The following CDKAL1 variants were observed in gnomAD, a reference collection of about 807,000 sequenced individuals.
CDKAL1 encodes the protein CDKAL1 threonylcarbamoyladenosine tRNA methylthiotransferase.
A neutral mutation model predicts 68.2 loss-of-function variants in CDKAL1; 32 were observed. The observed-to-expected ratio is 0.47, with a 90% CI of 0.35 to 0.63. The LOEUF is 0.63. Ranked by LOEUF, CDKAL1 falls within the 30% of genes least tolerant of loss-of-function variation. The pLI is 0.00. For synonymous variants in CDKAL1, 234 were observed against 244.3 expected (o/e 0.96, Z 0.39); for missense variants, 606 against 696.7 (o/e 0.87, Z 1.47).
At chr6:20,733,421 A>C (rs1773045763) in intron 5 of CDKAL1, among the ~76,000 whole-genome samples, 1 of 152,224 alleles carries the variant, frequency 6.6e-6, no homozygotes, top group Non-Finnish European at 1.5e-5. Flanking sequence ...TGTGAACAAA[A>C]GTTCTCTGAA....
intron 4 of CDKAL1, among the ~76,000 whole-genome samples, chr6:20,615,995 A>C (rs1444841337): frequency 1.0e-4 from 15 of 147,972 alleles, no homozygotes; most frequent in African/African-American, 3.1e-4. Flanking sequence ...AGCTTTCTAC[A>C]TATGGCTAGC....
At chr6:20,685,271 A>G (rs1770565624) in intron 5 of CDKAL1, among the ~76,000 whole-genome samples, 1 of 152,190 alleles carries the variant, frequency 6.6e-6, no homozygotes, top group African/African-American at 2.4e-5. Flanking sequence ...TTGTACCATC[A>G]TATTGCTTTC....
intron 5 of CDKAL1, among the ~76,000 whole-genome samples, chr6:20,679,326 C>T (rs892835765): frequency 4.6e-5 from 7 of 152,194 alleles, no homozygotes. Flanking sequence ...GATTTTCTCA[C>T]CCTACACATT....
intron 4 of CDKAL1, among the ~76,000 whole-genome samples, chr6:20,617,114 G>A (rs1481928400): frequency 6.6e-6 from 1 of 151,834 alleles, no homozygotes; most frequent in Admixed American, 6.6e-5. Flanking sequence ...TGATGTCTGT[G>A]CTTTTACTGG....
chr6:20,555,509 C>A (rs979779932), intron 4 of CDKAL1, among the ~76,000 whole-genome samples: 1 of 151,258 alleles, frequency 6.6e-6, no homozygotes, highest in Non-Finnish European at 1.5e-5. Context: ...TTAGTGGAGA[C>A]GGGGTTTCAC....
chr6:20,757,351 T>C (rs1184412136), intron 6 of CDKAL1, among the ~76,000 whole-genome samples: 2 of 152,136 alleles, frequency 1.3e-5, no homozygotes, highest in South Asian at 2.1e-4. Flanking sequence ...GAGGTATGGA[T>C]GCATGCATCA....
At chr6:20,543,732 A>ATTTTTT (rs758586145) in intron 2 of CDKAL1, among the ~76,000 whole-genome samples, 16 of 102,400 alleles carry the variant, frequency 1.6e-4, no homozygotes, top group African/African-American at 4.5e-4. Context: ...TATGTTTTAC[A>ATTTTTT]TTTTTTTTTT....
chr6:21,029,325 G>A (rs1769135275), intron 11 of CDKAL1, among the ~76,000 whole-genome samples: 1 of 152,144 alleles, frequency 6.6e-6, no homozygotes, highest in Non-Finnish European at 1.5e-5. Context: ...CTCCCAAAGT[G>A]CTGGGATTAC....
At position 20,855,397 on chromosome 6, in the gene CDKAL1, A is replaced by G. The variant is rs187124241; in HGVS notation, c.742+9219A>G. Among the ~76,000 whole-genome samples, 26 of 143,060 alleles carry G rather than the reference A, an allele frequency of 1.8e-4. No individual in the cohort carries two copies. In the East Asian group the frequency reaches 5.5e-3, roughly 30 times the overall value. 93.9% of individuals were successfully genotyped at this position (143,060 alleles called of 152,430 possible). A position where few individuals can be genotyped will look rare whatever the true frequency, so the allele number is the denominator to read the frequency against. ...GGCAGAGGTTGCAGGGAGCCAAGAT[A>G]GCACCATGGCACTCCAGCCTGGGAG... On this transcript the variant is annotated intron_variant, in intron 9 of 15. Transcript: ENST00000274695.
In CDKAL1 at chr6:20,759,685, A is replaced by C. The variant is rs184256878; in HGVS notation, c.517+1042A>C. Reference sequence around the variant, plus strand: ...TTTATAGTTACACTAAAAATTACACAAAGAAAGTAGAATTAAGCTTTGCTT... The same window carrying C: ...TTTATAGTTACACTAAAAATTACACCAAGAAAGTAGAATTAAGCTTTGCTT... On this transcript the variant is annotated intron_variant, in intron 7 of 15. Transcript: ENST00000274695. Among the ~76,000 whole-genome samples the C allele has an allele frequency of 6.9e-3, 1,046 of 152,358 alleles. 6 individuals are homozygous for C. The highest frequency in any genetic ancestry group is 0.014 in the Middle Eastern group (4 of 294).
intron 8 of CDKAL1, among the ~76,000 whole-genome samples, chr6:20,813,704 T>A (rs904065982): frequency 6.6e-6 from 1 of 152,186 alleles, no homozygotes; most frequent in Admixed American, 6.5e-5. Context: ...TGAAAGATAA[T>A]CCTTTCCCTT....
At position 20,611,043 on chromosome 6, in the gene CDKAL1, A is replaced by T. The variant is rs556329520; in HGVS notation, c.287-38250A>T. On this transcript the variant is annotated intron_variant, in intron 4 of 15. Coordinates refer to ENST00000274695, the MANE Select transcript of CDKAL1 (RefSeq NM_017774.3). ...AGCTTTGAGGCATTCCTTCCTTTAGAATTTATTCTAATAGTTAAGAAATCT... is the reference window on the plus strand; with the variant it reads ...AGCTTTGAGGCATTCCTTCCTTTAGTATTTATTCTAATAGTTAAGAAATCT... 2.0e-5 allele frequency among the ~76,000 whole-genome samples: 3 copies of T among 152,242 alleles called. No homozygotes were observed. The East Asian group carries it at 5.8e-4, about 29-fold the overall frequency.
Position 21,063,649 on chromosome 6 carries a change from C to A in CDKAL1, c.1056-1399C>A, listed in dbSNP as rs183543805. On this transcript the variant is annotated intron_variant, in intron 11 of 15. Transcript: ENST00000274695. Reference sequence around the variant, plus strand: ...AGATAAATAAGAAAAGATATTGTGTCCCTAAACAAGATACTGTGAAAAGGA... The same window carrying A: ...AGATAAATAAGAAAAGATATTGTGTACCTAAACAAGATACTGTGAAAAGGA... Among the ~76,000 whole-genome samples, 4 of 152,154 alleles carry A rather than the reference C, an allele frequency of 2.6e-5. No individual in the cohort carries two copies. In the East Asian group the frequency reaches 7.7e-4, roughly 29 times the overall value.
rs186463248 is a variant in CDKAL1 at position 20,644,294 on chromosome 6, A to T, written c.287-4999A>T. ...AATCCTGATTGCCTATTGTTTGTTG[A>T]TTGACTGATTTATGCCTCTAAGAGG... On this transcript the variant is annotated intron_variant, in intron 4 of 15. Coordinates refer to ENST00000274695, the MANE Select transcript of CDKAL1 (RefSeq NM_017774.3). Among the ~76,000 whole-genome samples, 6 of 152,084 alleles carry T rather than the reference A, an allele frequency of 3.9e-5. No individual in the cohort carries two copies. The East Asian group carries it at 1.2e-3, about 29-fold the overall frequency.
In CDKAL1 at chr6:20,885,952, C is replaced by A. The variant is rs562394827; in HGVS notation, c.742+39774C>A. Among the ~76,000 whole-genome samples the A allele has an allele frequency of 2.6e-5, 4 of 152,002 alleles. No individual in the cohort carries two copies. The South Asian group carries it at 8.3e-4, about 32-fold the overall frequency. ...AAAAAAACAAAAATTACCCAGAAAT[C>A]GCTTGAACCAGGAGGGAGAGGTTGC... On this transcript the variant is annotated intron_variant, in intron 9 of 15. Coordinates refer to ENST00000274695, the MANE Select transcript of CDKAL1 (RefSeq NM_017774.3).
intron 4 of CDKAL1, among the ~76,000 whole-genome samples, chr6:20,639,011 G>A (rs1413023427): frequency 1.3e-5 from 2 of 152,084 alleles, no homozygotes; most frequent in African/African-American, 4.8e-5. Context: ...GAATGAGGAT[G>A]GGGAATATTA....
At chr6:20,853,402 CAAAAAA>C (rs869195000) in intron 9 of CDKAL1, among the ~76,000 whole-genome samples, 16 of 34,406 alleles carry the variant, frequency 4.7e-4, no homozygotes, top group Admixed American at 3.0e-3. Context: ...AAAAAAAAAA[CAAAAAA>C]AAAAACCCTA....
rs115976814 is a variant in CDKAL1, at chr6:20,641,778, C to T, written c.287-7515C>T. On this transcript the variant is annotated intron_variant, in intron 4 of 15. Coordinates refer to ENST00000274695, the MANE Select transcript of CDKAL1 (RefSeq NM_017774.3). ...TATGTTGGCTTTTTATGTTTTTTGC[C>T]TTGTCAATAATCTTCAATGAGAATT... Among the ~76,000 whole-genome samples the T allele has an allele frequency of 1.0e-3, 152 of 152,090 alleles. 2 individuals are homozygous for T. The highest frequency in any genetic ancestry group is 3.4e-3 in the Middle Eastern group (1 of 292).
At chr6:21,160,472 A>G (rs1562081651) in intron 13 of CDKAL1, among the ~76,000 whole-genome samples, 2 of 150,588 alleles carry the variant, frequency 1.3e-5, no homozygotes, top group Admixed American at 6.6e-5. Flanking sequence ...TAATTTTTGC[A>G]TTTTTAGTAG....
Sources: gnomAD v4.1 joint callset for allele counts (sites outside exome capture counted in the v4.1 genomes callset) on GRCh38, gnomAD v4.1.1 for gene constraint, MANE v1.5 for transcripts, NCBI Gene and HGNC (gene_info 2026-07-23, HGNC 2026-07-21) for gene names.